TOX: variants seen among roughly 807,000 people sequenced by gnomAD.
TOX encodes thymocyte selection-associated high mobility group box protein TOX.
TOX carries 11 observed loss-of-function variants against 53.7 expected under a neutral mutation model. That is an observed-to-expected ratio of 0.20 (90% CI 0.13 to 0.34). The LOEUF is 0.34. TOX is among the 10% of genes least tolerant of loss of function. TOX has a pLI of 1.00. For synonymous variants in TOX, 225 were observed against 245.3 expected, an observed-to-expected ratio of 0.92 and a Z score of 0.77; for missense variants, 570 against 664.6, an observed-to-expected ratio of 0.86 and a Z score of 1.56.
intron 3 of TOX, among the ~76,000 whole-genome samples, chr8:58,929,348 T>C (rs1407247046): frequency 2.0e-5 from 3 of 152,146 alleles, no homozygotes; most frequent in African/African-American, 4.8e-5. Context: ...CAGGACTTCA[T>C]ACCTTTTCTC....
At chr8:58,946,631 C>T (rs1812526910) in intron 2 of TOX, among the ~76,000 whole-genome samples, 1 of 152,128 alleles carries the variant, frequency 6.6e-6, no homozygotes, top group African/African-American at 2.4e-5. Flanking sequence ...TAAAAACACA[C>T]AATGTACTAA....
intron 1 of TOX, among the ~76,000 whole-genome samples, chr8:59,059,906 TAAA>T (rs35899535): frequency 6.9e-6 from 1 of 145,930 alleles, no homozygotes. Context: ...TGTTATGTTG[TAAA>T]AAAAAAAAAA....
intron 6 of TOX, among the ~76,000 whole-genome samples, chr8:58,818,474 G>A (rs999421109): frequency 1.3e-5 from 2 of 152,152 alleles, no homozygotes; most frequent in Non-Finnish European, 2.9e-5. Context: ...TTATTTTCCT[G>A]TAGTCTCTTT....
At chr8:58,862,073 T>A (rs113553765) in intron 3 of TOX, among the ~76,000 whole-genome samples, 1 of 152,170 alleles carries the variant, frequency 6.6e-6, no homozygotes, top group African/African-American at 2.4e-5. Flanking sequence ...TATTTTATTA[T>A]GGAAATCATC....
At chr8:58,819,724 T>TA (rs1810241885) in intron 6 of TOX, among the ~76,000 whole-genome samples, 1 of 152,220 alleles carries the variant, frequency 6.6e-6, no homozygotes, top group Non-Finnish European at 1.5e-5. Flanking sequence ...TGATATGTGC[T>TA]ATAAAAATGA....
At chr8:58,919,109 T>C (rs971183303) in intron 3 of TOX, among the ~76,000 whole-genome samples, 1 of 151,366 alleles carries the variant, frequency 6.6e-6, no homozygotes, top group Non-Finnish European at 1.5e-5. Context: ...AGAATCAATA[T>C]TGTGAAAATG....
At chr8:58,899,979 T>TA (rs77483680) in intron 3 of TOX, among the ~76,000 whole-genome samples, 10,093 of 152,106 alleles carry the variant, frequency 0.066, 532 homozygotes, top group Admixed American at 0.16. Flanking sequence ...TTTTTTTTTT[T>TA]AGTTGGACTC....
chr8:58,932,525 T>C lies in TOX; in HGVS notation c.411+6777A>G, dbSNP rs536623909. The stretch of plus-strand genomic sequence containing the variant: ...GCTCCTCCGTGTTCTGAAAGATGCT[T>C]AGCTCTAGTCCATGGTTACATACTT... On this transcript the variant is annotated intron_variant, in intron 3 of 8. Coordinates refer to ENST00000361421, the MANE Select transcript of TOX (RefSeq NM_014729.3). 2.0e-5 allele frequency among the ~76,000 whole-genome samples: 3 copies of C among 152,320 alleles called. No homozygotes were observed. The South Asian group carries it at 6.2e-4, about 32-fold the overall frequency.
chr8:58,979,307 A>G (rs1294416927), intron 1 of TOX, among the ~76,000 whole-genome samples: 1 of 152,208 alleles, frequency 6.6e-6, no homozygotes, highest in African/African-American at 2.4e-5. Flanking sequence ...AAGTAACTAA[A>G]TTTATATCAT....
At chr8:58,836,502 C>T (rs1258039855) in intron 5 of TOX, among the ~76,000 whole-genome samples, 1 of 152,078 alleles carries the variant, frequency 6.6e-6, no homozygotes. Flanking sequence ...GTTTCCTGTT[C>T]TTAAAGAAAA....
intron 1 of TOX, among the ~76,000 whole-genome samples, chr8:59,031,703 G>A (rs1053654148): frequency 3.9e-5 from 6 of 152,200 alleles, no homozygotes; most frequent in South Asian, 4.1e-4. Context: ...TTTAAGCTGA[G>A]AATTGAATGA....
rs1379571759 is a variant in TOX, at chr8:59,104,127, C to T, written c.102+14759G>A. 2.6e-5 allele frequency among the ~76,000 whole-genome samples: 4 copies of T among 152,338 alleles called. No homozygotes were observed. In the East Asian group the frequency reaches 7.7e-4, roughly 29 times the overall value. ...ATGTGAGTCCGCCCAGGGAAGTCCT[C>T]TCTGGCACATTGTTACTAGAAATGA... On this transcript the variant is annotated intron_variant, in intron 1 of 8. Transcript: ENST00000361421.
intron 5 of TOX, among the ~76,000 whole-genome samples, chr8:58,832,445 C>T (rs1028447582): frequency 3.3e-5 from 5 of 151,848 alleles, no homozygotes; most frequent in East Asian, 1.9e-4. Flanking sequence ...TGTTACAGTG[C>T]GACAGGATTT....
intron 3 of TOX, among the ~76,000 whole-genome samples, chr8:58,891,822 G>A (rs1053266232): frequency 2.6e-5 from 4 of 152,174 alleles, no homozygotes; most frequent in African/African-American, 4.8e-5. Context: ...CAGTGTAGCT[G>A]TTTCTGCTTT....
chr8:58,944,747 T>C (rs1217637913), intron 2 of TOX, among the ~76,000 whole-genome samples: 1 of 152,252 alleles, frequency 6.6e-6, no homozygotes, highest in Non-Finnish European at 1.5e-5. Context: ...AATGGCTTTA[T>C]ATAGCTACGG....
At chr8:58,822,257 A>C (rs1810294164) in intron 6 of TOX, among the ~76,000 whole-genome samples, 1 of 152,234 alleles carries the variant, frequency 6.6e-6, no homozygotes, top group South Asian at 2.1e-4. Context: ...ATGTGGACTT[A>C]AACACCTTTG....
At chr8:58,870,090 C>A (rs1811172534) in intron 3 of TOX, among the ~76,000 whole-genome samples, 2 of 150,310 alleles carry the variant, frequency 1.3e-5, no homozygotes, top group African/African-American at 2.4e-5. Context: ...TAAGACAATG[C>A]AAGAAAATAA....
intron 1 of TOX, among the ~76,000 whole-genome samples, chr8:59,086,672 T>C (rs886279401): frequency 3.9e-5 from 6 of 152,230 alleles, no homozygotes; most frequent in African/African-American, 1.4e-4. Context: ...ATATTATCAG[T>C]CAGGCAAATT....
At chr8:58,908,982 G>A (rs1418279943) in intron 3 of TOX, among the ~76,000 whole-genome samples, 1 of 152,218 alleles carries the variant, frequency 6.6e-6, no homozygotes, top group Non-Finnish European at 1.5e-5. Flanking sequence ...TTAATGGGAT[G>A]ATATTGGCTA....
Sources: gnomAD v4.1 joint callset for allele counts (sites outside exome capture counted in the v4.1 genomes callset) on GRCh38, gnomAD v4.1.1 for gene constraint, MANE v1.5 for transcripts, NCBI Gene and HGNC (gene_info 2026-07-23, HGNC 2026-07-21) for gene names.